The following SUGCT variants were observed in gnomAD, a reference collection of about 807,000 sequenced individuals.
The protein encoded by SUGCT is succinyl-CoA:glutarate-CoA transferase, also known as succinyl-CoA:glutarate CoA-transferase.
SUGCT carries 41 observed loss-of-function variants against 55.0 expected under a neutral mutation model. That is an observed-to-expected ratio of 0.74 (90% CI 0.58 to 0.97). The LOEUF is 0.97. Ranked by LOEUF, SUGCT falls within the 50% of genes least tolerant of loss-of-function variation. SUGCT has a pLI of 0.00. For missense variants in SUGCT, 568 were observed against 547.8 expected (o/e 1.04, Z -0.37); for synonymous variants, 187 against 200.4 (o/e 0.93, Z 0.56).
intron 12 of SUGCT, among the ~76,000 whole-genome samples, chr7:40,601,755 C>G (rs1257155086): frequency 6.7e-6 from 1 of 148,612 alleles, no homozygotes; most frequent in Non-Finnish European, 1.5e-5. Context: ...TTTTTTTTCT[C>G]ATCAGCTATC....
chr7:40,295,661 C>A (rs991941747), intron 8 of SUGCT, among the ~76,000 whole-genome samples: 17 of 152,082 alleles, frequency 1.1e-4, no homozygotes, highest in African/African-American at 3.9e-4. Flanking sequence ...TAAATATTTT[C>A]TTTTAGTGGT....
chr7:41,034,945 G>C, the SUGCT span, among the ~76,000 whole-genome samples: 1 of 152,168 alleles, frequency 6.6e-6, no homozygotes, highest in East Asian at 1.9e-4. Flanking sequence ...CTTCCAGACC[G>C]TCTCAGCATG....
At chr7:40,854,904 C>T (rs1794090309) in intron 13 of SUGCT, among the ~76,000 whole-genome samples, 2 of 151,948 alleles carry the variant, frequency 1.3e-5, no homozygotes, top group African/African-American at 4.8e-5. Flanking sequence ...CCTTTGCACT[C>T]CAGCCTGGCA....
chr7:40,759,883 T>TAA (rs556979737), intron 13 of SUGCT, among the ~76,000 whole-genome samples: 2 of 146,930 alleles, frequency 1.4e-5, no homozygotes, highest in Non-Finnish European at 1.5e-5. Context: ...GTGTTTCTAT[T>TAA]AAAAAAAAAA....
chr7:40,781,842 C>G (rs1789766774), intron 13 of SUGCT, among the ~76,000 whole-genome samples: 1 of 152,054 alleles, frequency 6.6e-6, no homozygotes, highest in Non-Finnish European at 1.5e-5. Context: ...TCTTTCCTAT[C>G]TGGACCTTAG....
intron 13 of SUGCT, among the ~76,000 whole-genome samples, chr7:40,763,453 G>A (rs1455570002): frequency 1.3e-5 from 2 of 152,120 alleles, no homozygotes; most frequent in Non-Finnish European, 2.9e-5. Flanking sequence ...ATGCTCTACT[G>A]CCTCCTGAAG....
intron 9 of SUGCT, among the ~76,000 whole-genome samples, chr7:40,353,260 T>C (rs1797729837): frequency 6.6e-6 from 1 of 152,164 alleles, no homozygotes. Flanking sequence ...ACAGACTTTT[T>C]TTCCCCAAAA....
At chr7:40,348,493 C>T (rs1797446462) in intron 9 of SUGCT, among the ~76,000 whole-genome samples, 1 of 152,140 alleles carries the variant, frequency 6.6e-6, no homozygotes, top group South Asian at 2.1e-4. Flanking sequence ...CATATGATCT[C>T]AGCTGATTTT....
the SUGCT span, among the ~76,000 whole-genome samples, chr7:41,003,905 G>C: frequency 6.6e-6 from 1 of 152,166 alleles, no homozygotes; most frequent in African/African-American, 2.4e-5. Context: ...TCTCTTGCCT[G>C]TTTATTGTAT....
chr7:40,277,376 G>A (rs1435316193), intron 8 of SUGCT, among the ~76,000 whole-genome samples: 1 of 151,264 alleles, frequency 6.6e-6, no homozygotes, highest in African/African-American at 2.4e-5. Flanking sequence ...TTTTGGTAGA[G>A]ACGGGGTTTT....
At chr7:40,348,148 C>T (rs564953862) in intron 9 of SUGCT, among the ~76,000 whole-genome samples, 42 of 152,316 alleles carry the variant, frequency 2.8e-4, no homozygotes, top group South Asian at 1.7e-3. Flanking sequence ...AGCGCTGGAG[C>T]CCACCCCCAC....
At chr7:40,486,317 A>G (rs1791345231) in intron 11 of SUGCT, among the ~76,000 whole-genome samples, 1 of 152,130 alleles carries the variant, frequency 6.6e-6, no homozygotes, top group South Asian at 2.1e-4. Context: ...GTCAGTTGTA[A>G]TGTCTTTTTA....
chr7:40,193,291 T>TG (rs1786036507), intron 5 of SUGCT, among the ~76,000 whole-genome samples: 1 of 141,652 alleles, frequency 7.1e-6, no homozygotes, highest in South Asian at 2.4e-4. Context: ...TTTTTTTTTT[T>TG]TTTTTTTTTT....
chr7:40,903,530 C>A, the SUGCT span, among the ~76,000 whole-genome samples: 6 of 152,168 alleles, frequency 3.9e-5, no homozygotes, highest in African/African-American at 1.4e-4. Context: ...CCACACAGGT[C>A]TACTGGTGCC....
intron 13 of SUGCT, among the ~76,000 whole-genome samples, chr7:40,769,176 A>G (rs935373768): frequency 3.9e-5 from 6 of 152,204 alleles, no homozygotes; most frequent in African/African-American, 1.4e-4. Context: ...TTAAAAGAAG[A>G]GAGTGGATGA....
At chr7:40,364,666 G>A (rs1472120282) in intron 9 of SUGCT, among the ~76,000 whole-genome samples, 2 of 152,172 alleles carry the variant, frequency 1.3e-5, no homozygotes, top group Non-Finnish European at 2.9e-5. Context: ...GGCTTGTAGA[G>A]TTTCTGCCAG....
chr7:40,479,641 C>A (rs113353498), intron 11 of SUGCT, among the ~76,000 whole-genome samples: 201 of 152,264 alleles, frequency 1.3e-3, no homozygotes, highest in African/African-American at 4.4e-3. Flanking sequence ...TACATTCCCA[C>A]CAACAGTGAG....
intron 12 of SUGCT, among the ~76,000 whole-genome samples, chr7:40,714,973 AT>A (rs1785941218): frequency 6.6e-6 from 1 of 152,178 alleles, no homozygotes; most frequent in South Asian, 2.1e-4. Context: ...AAGTTCTATC[AT>A]GTTCCTAAAA....
chr7:40,153,633 C>T (rs1584196987), intron 1 of SUGCT: 1 of 523,194 alleles, frequency 1.9e-6, no homozygotes, highest in South Asian at 1.4e-5. Flanking sequence ...AATAGTCGAT[C>T]CAATGTGTGG....
Sources: gnomAD v4.1 joint callset for allele counts (sites outside exome capture counted in the v4.1 genomes callset) on GRCh38, gnomAD v4.1.1 for gene constraint, MANE v1.5 for transcripts, NCBI Gene and HGNC (gene_info 2026-07-23, HGNC 2026-07-21) for gene names.